Variants in CCND1 observed in about 807,000 individuals in gnomAD.
CCND1 encodes cyclin D1.
A neutral mutation model predicts 26.1 loss-of-function variants in CCND1; 9 were observed. The ratio of observed to expected loss-of-function variants is 0.35; its 90% CI spans 0.21 to 0.60. The LOEUF is 0.60. Among genes scored for constraint, CCND1 ranks in the 20% least tolerant of loss-of-function variants. The pLI is 0.79. For synonymous variants in CCND1, 194 were observed against 166.1 expected (o/e 1.17, Z -1.29); for missense variants, 335 against 392.9 (o/e 0.85, Z 1.25).
rs902631600 is a variant in CCND1 at position 69,653,566 on chromosome 11, G to C, written c.*2284G>C. The C allele has an allele frequency of 4.8e-5, 26 of 538,298 alleles. No individual in the cohort carries two copies. The East Asian group carries it at 8.3e-4, about 17-fold the overall frequency. 33.3% of individuals were successfully genotyped at this position (538,298 alleles called of 1,614,324 possible). A position where few individuals can be genotyped will look rare whatever the true frequency, so the allele number is the denominator to read the frequency against. On this transcript the variant is annotated 3_prime_UTR_variant, in exon 5 of 5. Coordinates refer to ENST00000227507, the MANE Select transcript of CCND1 (RefSeq NM_053056.3). Reference sequence around the variant, plus strand: ...TGCCTGCTTTGGCGGGCAGACACGCGGGCGCGATCCCACACAGGCTGGCGG... The same window carrying C: ...TGCCTGCTTTGGCGGGCAGACACGCCGGCGCGATCCCACACAGGCTGGCGG...
rs2120093667 is a variant in CCND1 at position 69,643,863 on chromosome 11, A to G, written c.446A>G (p.Lys149Arg). The G allele has an allele frequency of 6.2e-7, 1 of 1,612,716 alleles. No individual in the cohort carries two copies. Among genetic ancestry groups the G allele is most frequent in the Non-Finnish European group, 8.5e-7 (1 of 1,179,300 alleles). Reference protein sequence around the residue: ...QMELLLVNKLKWNLAAMTPHD... With the variant: ...QMELLLVNKLRWNLAAMTPHD... ...GAGCTGCTCCTGGTGAACAAGCTCA[A>G]GTGGAACCTGGCCGCAATGACCCCG... The change falls in exon 3 of 5, where the codon AAG becomes AGG. Residue 149 changes from lysine to arginine, a missense_variant. Physicochemically the swap from Lys to Arg is conservative, Grantham distance 26 (BLOSUM62 2). Transcript: ENST00000227507.
rs921479014 is a variant in CCND1 at position 69,642,978 on chromosome 11, C to CG, written c.199-46dup. 69 of 1,370,446 alleles carry CG rather than the reference C, an allele frequency of 5.0e-5. 1 individual carries two copies. The Middle Eastern group carries it at 1.1e-3, about 23-fold the overall frequency. The allele number at this position is 1,370,446 out of a possible 1,614,324, so 84.9% of individuals were successfully genotyped here. A position where few individuals can be genotyped will look rare whatever the true frequency, so the allele number is the denominator to read the frequency against. On this transcript the variant is annotated intron_variant, in intron 1 of 4. Coordinates refer to ENST00000227507, the MANE Select transcript of CCND1 (RefSeq NM_053056.3). ...GCGCGATGGGGGGTGCGGGGGCGTG[C>CG]GGGGGGGCGGCGCGACCTGGCGGCG...
At position 69,643,265 on chromosome 11, in the gene CCND1, C is replaced by G. The variant is rs3212864; in HGVS notation, c.414+19C>G. The G allele has an allele frequency of 6.0e-4, 920 of 1,521,992 alleles. 6 individuals are homozygous for G. Among genetic ancestry groups the G allele is most frequent in the Middle Eastern group, 4.2e-3 (22 of 5,230 alleles). 94.3% of individuals were successfully genotyped at this position (1,521,992 alleles called of 1,614,324 possible). ...GCTGCTGGTAACCACTGGACCCCGCCGCCCCCCGCCCCCCGCGAGCCGCAC... is the reference window on the plus strand; with the variant it reads ...GCTGCTGGTAACCACTGGACCCCGCGGCCCCCCGCCCCCCGCGAGCCGCAC... On this transcript the variant is annotated intron_variant, in intron 2 of 4. Coordinates refer to ENST00000227507, the MANE Select transcript of CCND1 (RefSeq NM_053056.3).
chr11:69,653,924 GT>G lies in CCND1; in HGVS notation c.*2646del, dbSNP rs1277224558. Reference sequence around the variant, plus strand: ...ATGTACTAGTGTTCTGTTTGTTATTGTTTTGTTAATTACACCATAATGCTAA... The same window carrying G: ...ATGTACTAGTGTTCTGTTTGTTATTGTTTGTTAATTACACCATAATGCTAA... On this transcript the variant is annotated 3_prime_UTR_variant, in exon 5 of 5. Transcript: ENST00000227507. 1.9e-6 allele frequency: 1 copy of G among 540,256 alleles called. No individual in the cohort carries two copies. Among genetic ancestry groups the G allele is most frequent in the Non-Finnish European group, 3.3e-6 (1 of 303,564 alleles). The allele number at this position is 540,256 out of a possible 1,614,324, so 33.5% of individuals were successfully genotyped here.
intron 3 of CCND1, among the ~76,000 whole-genome samples, chr11:69,644,887 T>C (rs1302331920): frequency 6.6e-6 from 1 of 152,184 alleles, no homozygotes; most frequent in African/African-American, 2.4e-5. Flanking sequence ...TCACATCTGT[T>C]TGGGGGCTCA....
intron 3 of CCND1, among the ~76,000 whole-genome samples, chr11:69,646,429 T>A (rs1855360756): frequency 6.6e-6 from 1 of 152,090 alleles, no homozygotes; most frequent in Non-Finnish European, 1.5e-5. Context: ...TTGTTTATTC[T>A]CTCGGGATGA....
chr11:69,643,108 G>T lies in CCND1; in HGVS notation c.276G>T (p.Glu92Asp). Residue 92 changes from glutamate to aspartate, a missense_variant, in exon 2 of 5, where the codon GAG (glutamate) becomes GAT (aspartate). Physicochemically the swap from Glu to Asp is conservative, Grantham distance 45. Coordinates refer to ENST00000227507, the MANE Select transcript of CCND1 (RefSeq NM_053056.3). ...MNYLDRFLSL[E>D]PVKKSRLQLL... ...ACCTGGACCGCTTCCTGTCGCTGGA[G>T]CCCGTGAAAAAGAGCCGCCTGCAGC... is the stretch of plus-strand genomic sequence containing the variant. The T allele has an allele frequency of 6.2e-7, 1 of 1,611,076 alleles. No homozygotes were observed. The highest frequency in any genetic ancestry group is 8.5e-7 in the Non-Finnish European group (1 of 1,179,084).
Position 69,648,102 on chromosome 11 carries a change from G to A in CCND1, c.683G>A (p.Arg228His), listed in dbSNP as rs200179137. Residue 228 changes from arginine to histidine, a missense_variant, in exon 4 of 5, where the codon CGC becomes CAC. Arg to His is a conservative substitution (Grantham distance 29, BLOSUM62 0). Coordinates refer to ENST00000227507, the MANE Select transcript of CCND1 (RefSeq NM_053056.3). ...RSPNNFLSYY[R>H]LTRFLSRVIK... ...CCCAACAACTTCCTGTCCTACTACC[G>A]CCTCACACGCTTCCTCTCCAGAGTG... 4.3e-6 allele frequency: 7 copies of A among 1,613,900 alleles called. No individual in the cohort carries two copies. The highest frequency in any genetic ancestry group is 2.7e-5 in the African/African-American group (2 of 75,050).
At chr11:69,644,073 TG>T in intron 3 of CCND1, 82 bp downstream of exon 3, 2 of 1,403,090 alleles carry the variant, frequency 1.4e-6, no homozygotes, top group Non-Finnish European at 2.0e-6. Flanking sequence ...GCTCTCCACC[TG>T]GGTGCTGTCT....
At chr11:69,643,270 C>T (rs1435623420) in intron 2 of CCND1, 24 bp downstream of exon 2, 12 of 1,523,348 alleles carry the variant, frequency 7.9e-6, no homozygotes, top group Non-Finnish European at 1.1e-5. Context: ...CCCGCCGCCC[C>T]CCGCCCCCCG....
At position 69,641,523 on chromosome 11, in the gene CCND1, C is replaced by T. The variant is rs2120081957; in HGVS notation, c.198+12C>T. The T allele has an allele frequency of 6.2e-7, 1 of 1,612,356 alleles. No homozygotes were observed. The highest frequency in any genetic ancestry group is 1.1e-5 in the South Asian group (1 of 91,078). On this transcript the variant is annotated intron_variant, in intron 1 of 4. Coordinates refer to ENST00000227507, the MANE Select transcript of CCND1 (RefSeq NM_053056.3). ...CCTGGATGCTGGAGGTGCGGGGCTTCGGGCGGCTCTCTTAAGACTTCCCTG... is the reference window on the plus strand; with the variant it reads ...CCTGGATGCTGGAGGTGCGGGGCTTTGGGCGGCTCTCTTAAGACTTCCCTG...
rs915920225 is a variant in CCND1 at position 69,651,363 on chromosome 11, C to T, written c.*81C>T. Reference sequence around the variant, plus strand: ...AGGTGCTCCCCTGACAGTCCCTCCTCTCCGGAGCATTTTGATACCAGAAGG... The same window carrying T: ...AGGTGCTCCCCTGACAGTCCCTCCTTTCCGGAGCATTTTGATACCAGAAGG... On this transcript the variant is annotated 3_prime_UTR_variant, in exon 5 of 5. Coordinates refer to ENST00000227507, the MANE Select transcript of CCND1 (RefSeq NM_053056.3). The T allele has an allele frequency of 8.3e-6, 10 of 1,207,118 alleles. No homozygotes were observed. The Admixed American group carries it at 1.1e-4, about 13-fold the overall frequency. 74.8% of individuals were successfully genotyped at this position (1,207,118 alleles called of 1,614,324 possible).
At position 69,653,198 on chromosome 11, in the gene CCND1, C is replaced by T. The variant is rs998168513; in HGVS notation, c.*1916C>T. On this transcript the variant is annotated 3_prime_UTR_variant, in exon 5 of 5. Coordinates refer to ENST00000227507, the MANE Select transcript of CCND1 (RefSeq NM_053056.3). ...GGAGGAGGCTCCCGAGGGGAAGGGGCGGTGCCCACACCGGGGACAGGCCGC... is the reference window on the plus strand; with the variant it reads ...GGAGGAGGCTCCCGAGGGGAAGGGGTGGTGCCCACACCGGGGACAGGCCGC... The T allele has an allele frequency of 1.1e-4, 75 of 682,734 alleles. No homozygotes were observed. Among genetic ancestry groups the T allele is most frequent in the Middle Eastern group, 2.3e-4 (1 of 4,308 alleles). The allele number at this position is 682,734 out of a possible 1,614,324, so 42.3% of individuals were successfully genotyped here.
intron 4 of CCND1, 49 bp from the exon 5 acceptor site, chr11:69,651,069 C>T (rs1367669829): frequency 1.3e-6 from 2 of 1,574,846 alleles, no homozygotes; most frequent in East Asian, 4.7e-5. Flanking sequence ...GCTGCAGGCC[C>T]CTTCTAAGGA....
At chr11:69,641,543 TC>T in intron 1 of CCND1, 32 bp downstream of exon 1, 1 of 1,602,448 alleles carries the variant, frequency 6.2e-7, no homozygotes, top group Non-Finnish European at 8.5e-7. Context: ...TCTTAAGACT[TC>T]CCTGCAACTT....
intron 1 of CCND1, among the ~76,000 whole-genome samples, chr11:69,641,722 G>C (rs1049146263): frequency 1.3e-5 from 2 of 152,006 alleles, no homozygotes; most frequent in Admixed American, 1.3e-4. Flanking sequence ...GTAGCGTTTC[G>C]TGGGAGGGGA....
Position 69,654,210 on chromosome 11 carries a change from A to G in CCND1, c.*2928A>G, listed in dbSNP as rs1442806962. On this transcript the variant is annotated 3_prime_UTR_variant, in exon 5 of 5. Coordinates refer to ENST00000227507, the MANE Select transcript of CCND1 (RefSeq NM_053056.3). This position sits in a 1 kb window ranked among gnomAD's most constrained non-coding sequence, Gnocchi z 6.3. Reference sequence around the variant, plus strand: ...CTGAACCACGCGGGGGCCTTGAGGGACGCTTTGTCTGTCGTGATGGGGCAA... The same window carrying G: ...CTGAACCACGCGGGGGCCTTGAGGGGCGCTTTGTCTGTCGTGATGGGGCAA... The G allele has an allele frequency of 1.5e-6, 1 of 688,256 alleles. No homozygotes were observed. The highest frequency in any genetic ancestry group is 2.7e-6 in the Non-Finnish European group (1 of 376,952). The allele number at this position is 688,256 out of a possible 1,614,324, so 42.6% of individuals were successfully genotyped here.
chr11:69,647,677 A>G (rs1478868222), intron 3 of CCND1, among the ~76,000 whole-genome samples: 1 of 152,236 alleles, frequency 6.6e-6, no homozygotes, highest in East Asian at 1.9e-4. Flanking sequence ...AAGGCTCAAG[A>G]TGCTAAAAGG....
rs1170313239 is a variant in CCND1 at position 69,653,983 on chromosome 11, C to T, written c.*2701C>T. ...AGACTCCAAATCTCAATGAAGCCAG[C>T]TCACAGTGCTGTGTGCCCCGGTCAC... is the stretch of plus-strand genomic sequence containing the variant. On this transcript the variant is annotated 3_prime_UTR_variant, in exon 5 of 5. Coordinates refer to ENST00000227507, the MANE Select transcript of CCND1 (RefSeq NM_053056.3). The T allele has an allele frequency of 1.7e-6, 1 of 586,738 alleles. No individual in the cohort carries two copies. Among genetic ancestry groups the T allele is most frequent in the Non-Finnish European group, 3.0e-6 (1 of 329,888 alleles). 36.3% of individuals were successfully genotyped at this position (586,738 alleles called of 1,614,324 possible).
Sources: allele counts gnomAD v4.1 joint callset (sites outside exome capture counted in the v4.1 genomes callset), GRCh38; gene constraint gnomAD v4.1.1; non-coding constraint Gnocchi (gnomAD v3.1); transcripts MANE v1.5; gene names NCBI Gene and HGNC (gene_info 2026-07-23, HGNC 2026-07-21).